GPC6: variants seen among roughly 807,000 people sequenced by gnomAD.
GPC6 encodes the protein glypican 6.
A neutral mutation model predicts 55.2 loss-of-function variants in GPC6; 14 were observed. The ratio of observed to expected loss-of-function variants is 0.25; its 90% CI spans 0.17 to 0.40. The LOEUF is 0.40. Among genes scored for constraint, GPC6 ranks in the 10% least tolerant of loss-of-function variants. The probability of loss-of-function intolerance (pLI) is 1.00; values close to 1 mark genes in which losing one functional copy is unlikely to be tolerated. For missense variants in GPC6, 641 were observed against 708.5 expected (o/e 0.90, Z 1.08); for synonymous variants, 278 against 259.6 (o/e 1.07, Z -0.68).
At chr13:93,470,761 T>C (rs1297902109) in intron 1 of GPC6, among the ~76,000 whole-genome samples, 1 of 152,152 alleles carries the variant, frequency 6.6e-6, no homozygotes, top group Non-Finnish European at 1.5e-5. Flanking sequence ...AGTTAAACTA[T>C]ATGGAAATTG....
At chr13:94,194,221 A>G (rs150950372) in intron 4 of GPC6, among the ~76,000 whole-genome samples, 216 of 152,354 alleles carry the variant, frequency 1.4e-3, no homozygotes, top group Admixed American at 2.7e-3. Flanking sequence ...CAATAAAAGT[A>G]TAGGATATAT....
chr13:93,391,200 A>G (rs1875620474), intron 1 of GPC6, among the ~76,000 whole-genome samples: 1 of 152,168 alleles, frequency 6.6e-6, no homozygotes, highest in Non-Finnish European at 1.5e-5. Flanking sequence ...TTAGAGCCAT[A>G]GGGAATATGA....
intron 1 of GPC6, among the ~76,000 whole-genome samples, chr13:93,274,332 G>A (rs1877655346): frequency 6.6e-6 from 1 of 152,110 alleles, no homozygotes; most frequent in African/African-American, 2.4e-5. Context: ...GGGGAATGTG[G>A]TAGGTTCATT....
chr13:94,007,003 C>T (rs1882048298), intron 3 of GPC6, among the ~76,000 whole-genome samples: 1 of 152,144 alleles, frequency 6.6e-6, no homozygotes, highest in African/African-American at 2.4e-5. Context: ...AATCTTAGTT[C>T]CCTCCTTAGT....
intron 1 of GPC6, among the ~76,000 whole-genome samples, chr13:93,344,920 A>G (rs1880378063): frequency 6.6e-6 from 1 of 152,140 alleles, no homozygotes; most frequent in Non-Finnish European, 1.5e-5. Context: ...TTTTTAAACT[A>G]GAGGCAATAT....
intron 1 of GPC6, among the ~76,000 whole-genome samples, chr13:93,270,315 G>A (rs1266321367): frequency 5.3e-5 from 8 of 150,232 alleles, no homozygotes; most frequent in African/African-American, 2.0e-4. Context: ...AATTAAACAT[G>A]GTATGTTTCT....
intron 2 of GPC6, among the ~76,000 whole-genome samples, chr13:93,582,154 G>T (rs1876967756): frequency 6.6e-6 from 1 of 152,144 alleles, no homozygotes; most frequent in Non-Finnish European, 1.5e-5. Flanking sequence ...GTTATTTTTA[G>T]TTTTAAATAA....
chr13:93,649,540 C>T (rs1287819830), intron 2 of GPC6, among the ~76,000 whole-genome samples: 3 of 152,084 alleles, frequency 2.0e-5, no homozygotes, highest in African/African-American at 7.2e-5. Flanking sequence ...ATACATAAAC[C>T]ATAGATTGTC....
intron 1 of GPC6, among the ~76,000 whole-genome samples, chr13:93,494,941 C>G (rs952196641): frequency 2.1e-5 from 3 of 145,964 alleles, no homozygotes. Context: ...ACCTTTCTCT[C>G]TGGCTGCCCT....
intron 2 of GPC6, among the ~76,000 whole-genome samples, chr13:93,730,156 T>G (rs935725934): frequency 4.6e-5 from 7 of 152,162 alleles, no homozygotes; most frequent in African/African-American, 1.7e-4. Flanking sequence ...AGTTGCTTGA[T>G]GGCTTCCCTC....
At chr13:93,677,464 T>A (rs1486285984) in intron 2 of GPC6, among the ~76,000 whole-genome samples, 1 of 152,032 alleles carries the variant, frequency 6.6e-6, no homozygotes, top group African/African-American at 2.4e-5. Flanking sequence ...CTCTTCTAAG[T>A]CATTACAAAG....
intron 4 of GPC6, among the ~76,000 whole-genome samples, chr13:94,143,991 G>A (rs987703742): frequency 6.6e-6 from 1 of 152,148 alleles, no homozygotes; most frequent in Non-Finnish European, 1.5e-5. Context: ...CTTTATAGGC[G>A]CATATTTTGT....
intron 1 of GPC6, among the ~76,000 whole-genome samples, chr13:93,509,603 G>A (rs1006742895): frequency 1.3e-5 from 2 of 152,120 alleles, no homozygotes; most frequent in South Asian, 4.2e-4. Context: ...TTTTCTTAAA[G>A]CTTCTGTCTA....
At chr13:94,398,376 G>C (rs1472458054) in intron 7 of GPC6, 90 bp from the exon 8 acceptor site, 6 of 978,572 alleles carry the variant, frequency 6.1e-6, no homozygotes, top group African/African-American at 1.6e-5. Context: ...CTGACTGTCA[G>C]AGACAGTCAT....
intron 2 of GPC6, among the ~76,000 whole-genome samples, chr13:93,809,192 C>G (rs1411506): frequency 0.67 from 101,559 of 152,000 alleles, 34,558 homozygotes; most frequent in East Asian, 0.81. Context: ...AAACACATTG[C>G]ATTCTCTGCC....
At chr13:93,231,374 T>C (rs1268948490) in intron 1 of GPC6, among the ~76,000 whole-genome samples, 1 of 17,298 alleles carries the variant, frequency 5.8e-5, no homozygotes, top group African/African-American at 3.3e-4. Flanking sequence ...TATATATATA[T>C]ATATACATAT....
chr13:93,355,727 G>C lies in GPC6; in HGVS notation c.160+128111G>C, dbSNP rs1284379393. On this transcript the variant is annotated intron_variant, in intron 1 of 8. Transcript: ENST00000377047. Reference sequence around the variant, plus strand: ...GCAGCAGTGTATTGACTGGGGTTCTGTGTGGGAGCTGGGGAACAGGGAGGT... The same window carrying C: ...GCAGCAGTGTATTGACTGGGGTTCTCTGTGGGAGCTGGGGAACAGGGAGGT... Among the ~76,000 whole-genome samples the C allele has an allele frequency of 6.6e-5, 10 of 152,320 alleles. No homozygotes were observed. In the East Asian group the frequency reaches 1.9e-3, roughly 29 times the overall value.
intron 1 of GPC6, among the ~76,000 whole-genome samples, chr13:93,331,129 G>A (rs1318866176): frequency 6.6e-6 from 1 of 152,024 alleles, no homozygotes; most frequent in Admixed American, 6.6e-5. Flanking sequence ...TATTCTCTAG[G>A]ATGTTGTGTT....
At chr13:94,281,123 T>A (rs756596250) in intron 4 of GPC6, among the ~76,000 whole-genome samples, 2 of 152,206 alleles carry the variant, frequency 1.3e-5, no homozygotes, top group Non-Finnish European at 2.9e-5. Flanking sequence ...TGAGCTTATT[T>A]GAATTGAGTT....
Sources: gnomAD v4.1 joint callset for allele counts (sites outside exome capture counted in the v4.1 genomes callset) on GRCh38, gnomAD v4.1.1 for gene constraint, MANE v1.5 for transcripts, NCBI Gene and HGNC (gene_info 2026-07-23, HGNC 2026-07-21) for gene names.